The following SMIM13 variants were observed in gnomAD, a reference collection of about 807,000 sequenced individuals.
SMIM13 encodes small integral membrane protein 13, also known as UPF0766 protein C6orf228.
SMIM13 carries 3 observed loss-of-function variants against 5.9 expected under a neutral mutation model. That is an observed-to-expected ratio of 0.51 (90% CI 0.23 to 1.31). The LOEUF is 1.31. Ranked by LOEUF, SMIM13 falls within the 40% of genes most tolerant of loss-of-function variation. The pLI is 0.18. For synonymous variants in SMIM13, 55 were observed against 46.0 expected, an observed-to-expected ratio of 1.19 and a Z score of -0.79; for missense variants, 85 against 109.9, an observed-to-expected ratio of 0.77 and a Z score of 1.01.
chr6:11,114,592 CTTTTTTT>C (rs58585640), intron 1 of SMIM13, among the ~76,000 whole-genome samples: 3 of 21,824 alleles, frequency 1.4e-4, no homozygotes, highest in Non-Finnish European at 2.2e-4. Context: ...CACTTTTTCT[CTTTTTTT>C]TTTTTTTTTT....
intron 1 of SMIM13, among the ~76,000 whole-genome samples, chr6:11,132,287 G>A (rs1277090009): frequency 6.6e-6 from 1 of 152,186 alleles, no homozygotes; most frequent in Non-Finnish European, 1.5e-5. Flanking sequence ...TGGCGAGGAT[G>A]TAGAGAAATT....
chr6:11,120,525 C>T (rs1176581542), intron 1 of SMIM13, among the ~76,000 whole-genome samples: 2 of 152,184 alleles, frequency 1.3e-5, no homozygotes, highest in Admixed American at 1.3e-4. Context: ...ACCTAATCAC[C>T]TCCCAGAGGC....
intron 1 of SMIM13, 148 bp downstream of exon 1, chr6:11,094,537 G>C: frequency 3.1e-6 from 2 of 635,314 alleles, no homozygotes; most frequent in Non-Finnish European, 5.1e-6. Flanking sequence ...TAGCCTCTAG[G>C]GCTGAGCGCA....
intron 1 of SMIM13, among the ~76,000 whole-genome samples, chr6:11,100,942 A>AT (rs909265114): frequency 9.6e-5 from 14 of 146,502 alleles, no homozygotes; most frequent in Non-Finnish European, 2.1e-4. Flanking sequence ...TGTCTCTTTC[A>AT]TTTTTCTAGG....
At position 11,133,857 on chromosome 6, in the gene SMIM13, C is replaced by G. The variant is rs73449684; in HGVS notation, c.77-546C>G. ...TGAATCTAAGATATTGGTGCCGTGG[C>G]TTTAGTCTTTCATCATATAATTTAA... is the stretch of plus-strand genomic sequence containing the variant. On this transcript the variant is annotated intron_variant, in intron 1 of 1. Transcript: ENST00000416247. Among the ~76,000 whole-genome samples the G allele has an allele frequency of 7.8e-3, 1,184 of 151,528 alleles. 16 individuals carry two copies. Among genetic ancestry groups the G allele is most frequent in the African/African-American group, 0.028 (1,138 of 41,296 alleles).
intron 1 of SMIM13, among the ~76,000 whole-genome samples, chr6:11,123,829 T>A (rs898414164): frequency 6.6e-6 from 1 of 152,202 alleles, no homozygotes; most frequent in Admixed American, 6.5e-5. Flanking sequence ...TTTCAAATCT[T>A]CTAGCTATTT....
At chr6:11,095,844 A>G (rs1757916200) in intron 1 of SMIM13, among the ~76,000 whole-genome samples, 1 of 152,224 alleles carries the variant, frequency 6.6e-6, no homozygotes, top group Non-Finnish European at 1.5e-5. Context: ...GAAGTAAGGA[A>G]AACAAAATCC....
intron 1 of SMIM13, among the ~76,000 whole-genome samples, chr6:11,128,365 A>G (rs948721348): frequency 1.2e-4 from 18 of 152,130 alleles, no homozygotes; most frequent in African/African-American, 4.3e-4. Context: ...TTGGTGCCCT[A>G]TTCTAGTATG....
Position 11,132,216 on chromosome 6 carries a change from G to A in SMIM13, c.77-2187G>A, listed in dbSNP as rs545535493. Among the ~76,000 whole-genome samples the A allele has an allele frequency of 7.2e-5, 11 of 152,230 alleles. No homozygotes were observed. The South Asian group carries it at 8.3e-4, about 11-fold the overall frequency. On this transcript the variant is annotated intron_variant, in intron 1 of 1. Transcript: ENST00000416247. ...TGAGGGAAATGCAAATCAAAGCTTC[G>A]TGATATACCATCATGCCTGCTAGGA...
rs375252119 is a variant in SMIM13, at chr6:11,124,744, C to T, written c.77-9659C>T. On this transcript the variant is annotated intron_variant, in intron 1 of 1. Transcript: ENST00000416247. Reference sequence around the variant, plus strand: ...GTGAGATGATATCTCATTGTAGTTTCGTTTTGCATTTCTCTGATGATCAGT... The same window carrying T: ...GTGAGATGATATCTCATTGTAGTTTTGTTTTGCATTTCTCTGATGATCAGT... 2.6e-4 allele frequency among the ~76,000 whole-genome samples: 39 copies of T among 152,164 alleles called. No individual in the cohort carries two copies. In the South Asian group the frequency reaches 5.6e-3, roughly 22 times the overall value.
intron 1 of SMIM13, among the ~76,000 whole-genome samples, chr6:11,111,228 C>T (rs997783736): frequency 7.2e-5 from 11 of 152,278 alleles, no homozygotes; most frequent in African/African-American, 2.6e-4. Flanking sequence ...AGTTGCAGGG[C>T]ATGCAAAGTA....
chr6:11,094,480 CA>C, intron 1 of SMIM13, 91 bp downstream of exon 1: 1 of 1,039,260 alleles, frequency 9.6e-7, no homozygotes, highest in African/African-American at 1.6e-5. Flanking sequence ...TTGAAAAAAA[CA>C]AAAGGGCGTG....
chr6:11,137,425 A>C lies in SMIM13; in HGVS notation c.*2823A>C, dbSNP rs1399021535. 6.6e-6 allele frequency: 1 copy of C among 151,916 alleles called. No homozygotes were observed. 9.4% of individuals were successfully genotyped at this position (151,916 alleles called of 1,614,324 possible). A position where few individuals can be genotyped will look rare whatever the true frequency, so the allele number is the denominator to read the frequency against. Reference sequence around the variant, plus strand: ...CCTGTTTTAGTGCTTTTGTAGCTAAAACTTACTGGAACTGCATCACAACTA... The same window carrying C: ...CCTGTTTTAGTGCTTTTGTAGCTAACACTTACTGGAACTGCATCACAACTA... On this transcript the variant is annotated 3_prime_UTR_variant, in exon 2 of 2. Coordinates refer to ENST00000416247, the MANE Select transcript of SMIM13 (RefSeq NM_001135575.2).
chr6:11,123,836 A>G (rs1473501292), intron 1 of SMIM13, among the ~76,000 whole-genome samples: 1 of 152,156 alleles, frequency 6.6e-6, no homozygotes, highest in Non-Finnish European at 1.5e-5. Flanking sequence ...TCTTCTAGCT[A>G]TTTTGAAATA....
intron 1 of SMIM13, among the ~76,000 whole-genome samples, chr6:11,114,316 G>A (rs1294919707): frequency 2.0e-5 from 3 of 152,092 alleles, no homozygotes; most frequent in Non-Finnish European, 4.4e-5. Context: ...TTTAGCTTTT[G>A]CCTCATTGCA....
At chr6:11,132,378 C>T (rs1260900437) in intron 1 of SMIM13, among the ~76,000 whole-genome samples, 1 of 152,016 alleles carries the variant, frequency 6.6e-6, no homozygotes, top group Non-Finnish European at 1.5e-5. Flanking sequence ...ACAGAGTTAC[C>T]ATATGACCCA....
At position 11,123,047 on chromosome 6, in the gene SMIM13, TA is replaced by T. The variant is rs1238629961; in HGVS notation, c.77-11353del. ...ACAAAGCAAGACCCTATCTCTACAG[TA>T]AATAAATAAAAACATCCATGTCCTC... On this transcript the variant is annotated intron_variant, in intron 1 of 1. Coordinates refer to ENST00000416247, the MANE Select transcript of SMIM13 (RefSeq NM_001135575.2). 2.6e-5 allele frequency among the ~76,000 whole-genome samples: 4 copies of T among 152,174 alleles called. No individual in the cohort carries two copies. In the East Asian group the frequency reaches 7.7e-4, roughly 29 times the overall value.
chr6:11,099,411 G>T (rs1757964444), intron 1 of SMIM13, among the ~76,000 whole-genome samples: 1 of 152,144 alleles, frequency 6.6e-6, no homozygotes, highest in South Asian at 2.1e-4. Context: ...CTGACCTCGT[G>T]ATCCACCCGC....
At chr6:11,094,651 G>C (rs1185559391) in intron 1 of SMIM13, among the ~76,000 whole-genome samples, 1 of 152,130 alleles carries the variant, frequency 6.6e-6, no homozygotes, top group Admixed American at 6.5e-5. Context: ...TTGCTTCACC[G>C]GCAGCGTCTG....
Sources: allele counts gnomAD v4.1 joint callset (sites outside exome capture counted in the v4.1 genomes callset), GRCh38; gene constraint gnomAD v4.1.1; transcripts MANE v1.5; gene names NCBI Gene and HGNC (gene_info 2026-07-23, HGNC 2026-07-21).